ADGRL3: variants seen among roughly 807,000 people sequenced by gnomAD.
ADGRL3 encodes adhesion G protein-coupled receptor L3.
A neutral mutation model predicts 153.5 loss-of-function variants in ADGRL3; 62 were observed. The ratio of observed to expected loss-of-function variants is 0.40; its 90% confidence interval spans 0.33 to 0.50. The LOEUF (loss-of-function observed/expected upper bound fraction) is 0.50. Among genes scored for constraint, ADGRL3 ranks in the 20% least tolerant of loss-of-function variants. The pLI, the probability that ADGRL3 is intolerant of heterozygous loss-of-function variation, is 0.47. For synonymous variants in ADGRL3, 710 were observed against 672.5 expected (o/e 1.06, Z -0.86); for missense variants, 1,641 against 1,859.4 (o/e 0.88, Z 2.16).
At chr4:61,558,766 T>G (rs940187456) in intron 4 of ADGRL3, among the ~76,000 whole-genome samples, 1 of 152,052 alleles carries the variant, frequency 6.6e-6, no homozygotes, top group African/African-American at 2.4e-5. Flanking sequence ...AAGTTTTTTC[T>G]GCAAAATCTC....
At chr4:61,307,310 C>T (rs2094825173) in intron 1 of ADGRL3, among the ~76,000 whole-genome samples, 1 of 152,082 alleles carries the variant, frequency 6.6e-6, no homozygotes, top group South Asian at 2.1e-4. Context: ...AGTTGACTAA[C>T]ACAATTCTGA....
At chr4:61,630,979 G>T (rs1382933083) in intron 5 of ADGRL3, among the ~76,000 whole-genome samples, 2 of 152,170 alleles carry the variant, frequency 1.3e-5, no homozygotes, top group African/African-American at 4.8e-5. Context: ...GTGATTAAAT[G>T]AATAAAGTAA....
At chr4:61,471,548 T>C (rs1485239999) in intron 2 of ADGRL3, among the ~76,000 whole-genome samples, 2 of 151,846 alleles carry the variant, frequency 1.3e-5, no homozygotes, top group Non-Finnish European at 2.9e-5. Context: ...AAGCTGTGAT[T>C]TTGAAAAAGG....
intron 9 of ADGRL3, among the ~76,000 whole-genome samples, chr4:61,815,086 T>C (rs930025679): frequency 1.3e-5 from 2 of 152,144 alleles, no homozygotes; most frequent in African/African-American, 4.8e-5. Flanking sequence ...GCATCTGTGC[T>C]TTATTAGAGA....
intron 9 of ADGRL3, among the ~76,000 whole-genome samples, chr4:61,821,944 A>G (rs576199407): frequency 1.4e-4 from 21 of 152,354 alleles, no homozygotes; most frequent in African/African-American, 4.8e-4. Context: ...AACACCTGCT[A>G]TTATCTAGTT....
At chr4:61,737,411 T>C (rs1179836477) in intron 8 of ADGRL3, among the ~76,000 whole-genome samples, 1 of 152,208 alleles carries the variant, frequency 6.6e-6, no homozygotes, top group East Asian at 1.9e-4. Context: ...ATAAAGATCC[T>C]CTGGTGACAC....
rs766135388 is a variant in ADGRL3 at position 61,606,632 on chromosome 4, G to A, written c.473+19192G>A. ...CTCGTTTAGTCTTTTTAAAGGCCCC[G>A]TCTTCAAATATAGTCACATTGGAGG... On this transcript the variant is annotated intron_variant, in intron 5 of 26. Transcript: ENST00000683033. Among the ~76,000 whole-genome samples, 18 of 152,044 alleles carry A rather than the reference G, an allele frequency of 1.2e-4. No individual in the cohort carries two copies. The South Asian group carries it at 1.2e-3, about 11-fold the overall frequency.
chr4:61,265,882 C>A (rs2092816439), intron 1 of ADGRL3, among the ~76,000 whole-genome samples: 1 of 151,814 alleles, frequency 6.6e-6, no homozygotes, highest in Non-Finnish European at 1.5e-5. Context: ...TGGAATTTGT[C>A]TTTTCCCTGT....
At chr4:61,972,854 T>G (rs1017511152) in intron 17 of ADGRL3, among the ~76,000 whole-genome samples, 2 of 152,074 alleles carry the variant, frequency 1.3e-5, no homozygotes, top group Non-Finnish European at 2.9e-5. Flanking sequence ...TATTCTCCTT[T>G]ACTAAATCCA....
intron 2 of ADGRL3, chr4:61,425,352 C>A (rs1309455105): frequency 1.3e-5 from 2 of 152,342 alleles, no homozygotes; most frequent in Non-Finnish European, 2.9e-5. Flanking sequence ...CCCCAAGTCT[C>A]TAGCCATGTC....
At chr4:62,065,700 A>G (rs182098249) in intron 25 of ADGRL3, among the ~76,000 whole-genome samples, 177 of 152,136 alleles carry the variant, frequency 1.2e-3, no homozygotes, top group African/African-American at 4.2e-3. Context: ...CTAACTTCTA[A>G]TATAATGAAA....
intron 1 of ADGRL3, among the ~76,000 whole-genome samples, chr4:61,287,474 A>T (rs1005901689): frequency 6.6e-6 from 1 of 151,990 alleles, no homozygotes; most frequent in East Asian, 1.9e-4. Flanking sequence ...GCAACGAGGG[A>T]TAAGAGATCA....
intron 9 of ADGRL3, among the ~76,000 whole-genome samples, chr4:61,859,660 G>T (rs1440351171): frequency 6.6e-6 from 1 of 152,110 alleles, no homozygotes; most frequent in Non-Finnish European, 1.5e-5. Flanking sequence ...AAATTTAAAT[G>T]TAAATAAGTT....
intron 21 of ADGRL3, among the ~76,000 whole-genome samples, chr4:62,027,123 A>G (rs1351940764): frequency 6.6e-6 from 1 of 152,084 alleles, no homozygotes; most frequent in Non-Finnish European, 1.5e-5. Flanking sequence ...GAATGCATAT[A>G]ATATAATAAA....
intron 5 of ADGRL3, among the ~76,000 whole-genome samples, chr4:61,656,188 T>A (rs528921762): frequency 6.6e-6 from 1 of 152,346 alleles, no homozygotes; most frequent in East Asian, 1.9e-4. Context: ...ATTTTATGAA[T>A]GCTTCTTAAT....
chr4:61,384,057 T>C (rs2096706242), intron 2 of ADGRL3, among the ~76,000 whole-genome samples: 1 of 151,934 alleles, frequency 6.6e-6, no homozygotes, highest in African/African-American at 2.4e-5. Context: ...AATTGATATG[T>C]ACTTTAATTG....
At chr4:61,339,429 C>T (rs1212566459) in intron 1 of ADGRL3, among the ~76,000 whole-genome samples, 1 of 152,038 alleles carries the variant, frequency 6.6e-6, no homozygotes, top group Non-Finnish European at 1.5e-5. Context: ...CCATGTCCAC[C>T]GTCATTTTAG....
At chr4:61,664,320 G>A (rs1235403163) in intron 5 of ADGRL3, among the ~76,000 whole-genome samples, 1 of 152,114 alleles carries the variant, frequency 6.6e-6, no homozygotes, top group Non-Finnish European at 1.5e-5. Context: ...AGATAGTCCT[G>A]AAAGAATATC....
chr4:61,550,616 T>C (rs1422876870), intron 4 of ADGRL3, among the ~76,000 whole-genome samples: 1 of 151,446 alleles, frequency 6.6e-6, no homozygotes, highest in Non-Finnish European at 1.5e-5. Flanking sequence ...TTTGAAGTAG[T>C]AGTCAAGCGA....
Sources: gnomAD v4.1 joint callset for allele counts (sites outside exome capture counted in the v4.1 genomes callset) on GRCh38, gnomAD v4.1.1 for gene constraint, MANE v1.5 for transcripts, NCBI Gene and HGNC (gene_info 2026-07-23, HGNC 2026-07-21) for gene names.